THAP12: variants seen among roughly 807,000 people sequenced by gnomAD.
The protein encoded by THAP12 is THAP domain containing 12.
THAP12 carries 20 observed loss-of-function variants against 63.0 expected under a neutral mutation model. The ratio of observed to expected loss-of-function variants is 0.32; its 90% CI spans 0.22 to 0.46. THAP12 has a LOEUF of 0.46. THAP12 is among the 20% of genes least tolerant of loss of function. THAP12 has a pLI of 1.00. For missense variants in THAP12, 568 were observed against 908.2 expected (o/e 0.63, Z 4.81); for synonymous variants, 264 against 328.4 (o/e 0.80, Z 2.12).
At position 76,352,469 on chromosome 11, in the gene THAP12, CGT is replaced by C. The variant is rs1946534252; in HGVS notation, c.679_680del (p.Thr227ValfsTer16). ...RKRFETTAVN[T>X]LFCSKTQQRQ... ...TCTGCTGTGTTTTTGAACAAAACAA[CGT>C]GTTAACTGCTGTTGTCTCAAACCGC... On this transcript the variant is annotated frameshift_variant, in exon 5 of 5. Transcript: ENST00000260045. LOFTEE classifies it high-confidence loss of function. 6.2e-7 allele frequency: 1 copy of C among 1,611,868 alleles called. No homozygotes were observed. Among genetic ancestry groups the C allele is most frequent in the Admixed American group, 1.7e-5 (1 of 59,986 alleles).
chr11:76,361,210 CAGTCTACTATTTCCAA>C, intron 2 of THAP12, 147 bp from the exon 3 acceptor site: 1 of 554,460 alleles, frequency 1.8e-6, no homozygotes, highest in Admixed American at 3.5e-5. Flanking sequence ...CAGTTCAGGT[CAGTCTACTATTTCCAA>C]CTGTGCCTGC....
intron 1 of THAP12, among the ~76,000 whole-genome samples, chr11:76,379,228 A>G (rs1004177404): frequency 2.6e-5 from 4 of 152,106 alleles, no homozygotes; most frequent in Non-Finnish European, 4.4e-5. Flanking sequence ...CCTTCAAACC[A>G]TATCTCAAAT....
chr11:76,370,633 G>T (rs1010555125), intron 1 of THAP12, among the ~76,000 whole-genome samples: 2 of 151,998 alleles, frequency 1.3e-5, no homozygotes, highest in Non-Finnish European at 2.9e-5. Context: ...AAGGTGCTAG[G>T]ATTACAGGCA....
chr11:76,364,841 T>C (rs879689582), intron 2 of THAP12, among the ~76,000 whole-genome samples: 6 of 152,124 alleles, frequency 3.9e-5, no homozygotes, highest in Non-Finnish European at 8.8e-5. Context: ...TACAAAAACA[T>C]GAAAACAAGA....
chr11:76,380,688 G>A lies in THAP12; in HGVS notation c.89+60C>T, dbSNP rs1036426222. 6.4e-6 allele frequency: 8 copies of A among 1,256,094 alleles called. No homozygotes were observed. The African/African-American group carries it at 9.5e-5, about 15-fold the overall frequency. 77.8% of individuals were successfully genotyped at this position (1,256,094 alleles called of 1,614,324 possible). A position where few individuals can be genotyped will look rare whatever the true frequency, so the allele number is the denominator to read the frequency against. On this transcript the variant is annotated intron_variant, in intron 1 of 4. Transcript: ENST00000260045. Reference sequence around the variant, plus strand: ...GCCCGGGAGCCCGCCAGGGGCCGGCGGCTGGCAGCGCTCACCGCGAAGGTG... The same window carrying A: ...GCCCGGGAGCCCGCCAGGGGCCGGCAGCTGGCAGCGCTCACCGCGAAGGTG...
At chr11:76,361,284 G>A (rs1293410764) in intron 2 of THAP12, 1 of 441,840 alleles carries the variant, frequency 2.3e-6, no homozygotes, top group African/African-American at 2.0e-5. Flanking sequence ...TGAATTGAAG[G>A]TAGGCATAAA....
chr11:76,376,834 A>T (rs1008696496), intron 1 of THAP12, among the ~76,000 whole-genome samples: 1 of 152,112 alleles, frequency 6.6e-6, no homozygotes, highest in Admixed American at 6.5e-5. Context: ...GATTCACTAC[A>T]TATTAATACA....
rs1946525141 is a variant in THAP12 at position 76,351,316 on chromosome 11, T to A, written c.1834A>T (p.Met612Leu). 1 of 1,588,436 alleles carries A rather than the reference T, an allele frequency of 6.3e-7. No homozygotes were observed. Among genetic ancestry groups the A allele is most frequent in the East Asian group, 2.3e-5 (1 of 44,414 alleles). ...LKCLSLVPSV[M>L]GQLKFNTSEE... ...GACGTATTGAATTTGAGTTGTCCCA[T>A]GACTGAGGGTACCAGAGATAAGCAT... The change falls in exon 5 of 5, where the codon ATG becomes TTG. Residue 612 changes from methionine (M) to leucine (L), a missense_variant. Met to Leu is a conservative substitution (Grantham distance 15). Transcript: ENST00000260045.
intron 1 of THAP12, among the ~76,000 whole-genome samples, chr11:76,369,084 G>C (rs1407050375): frequency 6.6e-6 from 1 of 151,986 alleles, no homozygotes; most frequent in Non-Finnish European, 1.5e-5. Context: ...AAGGGGCCTT[G>C]AACAGGCACT....
At chr11:76,372,747 G>A (rs368830389) in intron 1 of THAP12, among the ~76,000 whole-genome samples, 8 of 152,232 alleles carry the variant, frequency 5.3e-5, no homozygotes, top group African/African-American at 1.7e-4. Context: ...TTAGTCAAGT[G>A]TGGTGGCGTG....
At chr11:76,363,516 A>C (rs1946611584) in intron 2 of THAP12, among the ~76,000 whole-genome samples, 1 of 152,150 alleles carries the variant, frequency 6.6e-6, no homozygotes, top group Admixed American at 6.5e-5. Flanking sequence ...GCTACTGATG[A>C]GATCTTCAAT....
At chr11:76,358,903 T>A (rs1361108883) in intron 3 of THAP12, 1 of 152,146 alleles carries the variant, frequency 6.6e-6, no homozygotes, top group African/African-American at 2.4e-5. Flanking sequence ...ACATTATACT[T>A]AATGGGGCAA....
chr11:76,372,795 G>A (rs1192962087), intron 1 of THAP12, among the ~76,000 whole-genome samples: 1 of 152,056 alleles, frequency 6.6e-6, no homozygotes, highest in East Asian at 1.9e-4. Context: ...GCAGAGATGG[G>A]AGGATTGTTT....
At chr11:76,373,829 C>T (rs188210632) in intron 1 of THAP12, among the ~76,000 whole-genome samples, 104 of 152,176 alleles carry the variant, frequency 6.8e-4, no homozygotes, top group African/African-American at 2.4e-3. Flanking sequence ...CTCCAAAGAT[C>T]TTTTATGTGG....
At chr11:76,377,884 C>T (rs114066569) in intron 1 of THAP12, among the ~76,000 whole-genome samples, 3,717 of 152,232 alleles carry the variant, frequency 0.024, 163 homozygotes, top group African/African-American at 0.086. Flanking sequence ...TTTATATCTT[C>T]TGTTTAAAGA....
At chr11:76,369,714 AC>A (rs1367209480) in intron 1 of THAP12, among the ~76,000 whole-genome samples, 2 of 152,262 alleles carry the variant, frequency 1.3e-5, no homozygotes, top group African/African-American at 2.4e-5. Context: ...TGTGATCAGG[AC>A]CCAGTAAAAA....
intron 1 of THAP12, among the ~76,000 whole-genome samples, chr11:76,367,738 T>A (rs1300257866): frequency 6.6e-6 from 1 of 152,220 alleles, no homozygotes; most frequent in African/African-American, 2.4e-5. Context: ...TATTCCTTTA[T>A]AATTAAATCA....
At chr11:76,376,543 A>T (rs987337368) in intron 1 of THAP12, among the ~76,000 whole-genome samples, 1 of 151,680 alleles carries the variant, frequency 6.6e-6, no homozygotes, top group South Asian at 2.1e-4. Flanking sequence ...AAAGATGCCC[A>T]TCTGTCAGGA....
intron 1 of THAP12, among the ~76,000 whole-genome samples, chr11:76,379,180 A>G (rs757837116): frequency 8.5e-5 from 13 of 152,064 alleles, no homozygotes; most frequent in Non-Finnish European, 1.2e-4. Context: ...TTCTTTTACA[A>G]TCTACCTCCA....
Sources: allele counts gnomAD v4.1 joint callset (sites outside exome capture counted in the v4.1 genomes callset), GRCh38; gene constraint gnomAD v4.1.1; transcripts MANE v1.5; gene names NCBI Gene and HGNC (gene_info 2026-07-23, HGNC 2026-07-21).